The following PCDHA3 variants were observed in gnomAD, a reference collection of about 807,000 sequenced individuals.
The protein encoded by PCDHA3 is protocadherin alpha-3.
A neutral mutation model predicts 62.2 loss-of-function variants in PCDHA3; 41 were observed. That is an observed-to-expected ratio of 0.66 (90% confidence interval 0.51 to 0.86). The LOEUF (loss-of-function observed/expected upper bound fraction) is 0.86. PCDHA3 is among the 40% of genes least tolerant of loss of function. PCDHA3 has a pLI of 0.00. For synonymous variants in PCDHA3, 640 were observed against 555.4 expected, an observed-to-expected ratio of 1.15 and a Z score of -2.14; for missense variants, 1,304 against 1,241.2, an observed-to-expected ratio of 1.05 and a Z score of -0.76.
intron 1 of PCDHA3, chr5:140,809,467 TG>T (rs1480509139): frequency 1.2e-6 from 2 of 1,614,124 alleles, no homozygotes; most frequent in East Asian, 4.5e-5. Context: ...GGGTGTGCTC[TG>T]GTGAGGGCCC....
In PCDHA3 at chr5:140,803,145, C is replaced by A; in HGVS notation, c.1948C>A (p.Leu650Met). 1 of 1,613,886 alleles carries A rather than the reference C, an allele frequency of 6.2e-7. No homozygotes were observed. Among genetic ancestry groups the A allele is most frequent in the African/African-American group, 1.3e-5 (1 of 75,066 alleles). The change falls in exon 1 of 4, where the codon CTG (leucine) becomes ATG (methionine). Residue 650 changes from leucine to methionine, a missense_variant. By Grantham distance (15) the Leu-to-Met change is conservative. Transcript: ENST00000522353. ...VDAPRHRLLVLVKDHGEPSLT... is the reference protein window; with the variant it reads ...VDAPRHRLLVMVKDHGEPSLT... The stretch of plus-strand genomic sequence containing the variant: ...CGCCCCGCGCCATCGCCTACTGGTG[C>A]TGGTGAAGGACCACGGTGAACCCTC...
intron 1 of PCDHA3, among the ~76,000 whole-genome samples, chr5:140,906,364 C>T (rs2072599872): frequency 6.6e-6 from 1 of 152,184 alleles, no homozygotes; most frequent in African/African-American, 2.4e-5. Context: ...ATTCCCAACC[C>T]AAATGCTATT....
chr5:141,002,023 G>GC (rs1479327416), intron 3 of PCDHA3, among the ~76,000 whole-genome samples: 4 of 152,186 alleles, frequency 2.6e-5, no homozygotes, highest in Admixed American at 6.5e-5. Flanking sequence ...ACAGCCTTCG[G>GC]TGCCCTGACT....
chr5:140,915,918 T>A (rs1295505621), intron 1 of PCDHA3, among the ~76,000 whole-genome samples: 1 of 152,188 alleles, frequency 6.6e-6, no homozygotes, highest in Admixed American at 6.5e-5. Flanking sequence ...CCAGAGATGC[T>A]ACTTGGGAGT....
At chr5:140,940,285 T>C (rs2092587239) in intron 1 of PCDHA3, among the ~76,000 whole-genome samples, 3 of 152,222 alleles carry the variant, frequency 2.0e-5, no homozygotes, top group Admixed American at 6.5e-5. Context: ...CTCATTGTGC[T>C]GCTTCATCAG....
Position 140,849,788 on chromosome 5 carries a change from C to T in PCDHA3, c.2394+46197C>T, listed in dbSNP as rs2150450289. The T allele has an allele frequency of 2.5e-6, 4 of 1,598,468 alleles. No homozygotes were observed. The South Asian group carries it at 4.4e-5, about 18-fold the overall frequency. ...TGGTGGTTACCGCGCGGGACGGGGGCTCGCCTTCACTGTGGGCCACGGCCA... is the reference window on the plus strand; with the variant it reads ...TGGTGGTTACCGCGCGGGACGGGGGTTCGCCTTCACTGTGGGCCACGGCCA... On this transcript the variant is annotated intron_variant, in intron 1 of 3. Coordinates refer to ENST00000522353, the MANE Select transcript of PCDHA3 (RefSeq NM_018906.3).
intron 1 of PCDHA3, chr5:140,823,342 G>A (rs143184133): frequency 6.2e-7 from 1 of 1,612,384 alleles, no homozygotes; most frequent in Non-Finnish European, 8.5e-7. Context: ...GCAGCCGCTG[G>A]ACCACGAGGA....
intron 1 of PCDHA3, among the ~76,000 whole-genome samples, chr5:140,964,646 G>A (rs1554227128): frequency 6.6e-6 from 1 of 152,004 alleles, no homozygotes; most frequent in African/African-American, 2.4e-5. Context: ...TCAGAAACAA[G>A]TAATGGGTGA....
intron 3 of PCDHA3, among the ~76,000 whole-genome samples, chr5:141,005,325 A>G (rs1430982331): frequency 6.6e-6 from 1 of 152,226 alleles, no homozygotes; most frequent in Non-Finnish European, 1.5e-5. Context: ...GTAGAGAATA[A>G]TAGGCCAAGG....
At chr5:141,004,434 G>T (rs1383958111) in intron 3 of PCDHA3, among the ~76,000 whole-genome samples, 2 of 152,186 alleles carry the variant, frequency 1.3e-5, no homozygotes, top group Non-Finnish European at 2.9e-5. Flanking sequence ...TGGAGTTTAG[G>T]CTGAGTCATA....
intron 1 of PCDHA3, among the ~76,000 whole-genome samples, chr5:140,820,941 T>G (rs1298490010): frequency 2.6e-5 from 4 of 152,104 alleles, no homozygotes; most frequent in South Asian, 2.1e-4. Flanking sequence ...AGCTGAAATA[T>G]CCCCATTACA....
chr5:140,899,513 C>T (rs4552682), intron 1 of PCDHA3, among the ~76,000 whole-genome samples: 7,065 of 152,042 alleles, frequency 0.046, 286 homozygotes, highest in African/African-American at 0.11. Flanking sequence ...GCATATATTG[C>T]ATCCCAGGGA....
chr5:140,929,540 G>A, intron 1 of PCDHA3: 1 of 549,498 alleles, frequency 1.8e-6, no homozygotes, highest in Admixed American at 4.2e-5. Context: ...GAGAAACAAG[G>A]GCAAAAATTA....
chr5:140,863,242 G>A (rs2047891518), intron 1 of PCDHA3: 3 of 1,345,158 alleles, frequency 2.2e-6, no homozygotes, highest in African/African-American at 2.9e-5. Context: ...GCGGGCTTTG[G>A]CGGGCGTCGA....
intron 1 of PCDHA3, among the ~76,000 whole-genome samples, chr5:140,888,353 A>G (rs907810387): frequency 1.9e-4 from 29 of 152,220 alleles, no homozygotes; most frequent in African/African-American, 6.8e-4. Context: ...GGGAATTGCT[A>G]CTGGCATCTA....
At chr5:140,850,799 C>G (rs576094644) in intron 1 of PCDHA3, 1 of 1,598,148 alleles carries the variant, frequency 6.3e-7, no homozygotes, top group Non-Finnish European at 8.6e-7. Context: ...AGAAGACCGA[C>G]CTCATGGCCT....
At chr5:140,823,380 C>A (rs2150125210) in intron 1 of PCDHA3, 14 of 1,612,688 alleles carry the variant, frequency 8.7e-6, no homozygotes, top group South Asian at 5.5e-5. Context: ...TCCAGGTGAG[C>A]GCGCGCGACG....
intron 1 of PCDHA3, among the ~76,000 whole-genome samples, chr5:140,918,416 C>A (rs2078685021): frequency 6.6e-6 from 1 of 152,110 alleles, no homozygotes; most frequent in Non-Finnish European, 1.5e-5. Flanking sequence ...GCCAGGACTT[C>A]CAGTAGGATG....
chr5:140,877,704 C>G, intron 1 of PCDHA3: 2 of 1,613,952 alleles, frequency 1.2e-6, no homozygotes, highest in South Asian at 1.1e-5. Context: ...GCTCCAGCGC[C>G]GTGGGGAGTT....
Sources: gnomAD v4.1 joint callset for allele counts (sites outside exome capture counted in the v4.1 genomes callset) on GRCh38, gnomAD v4.1.1 for gene constraint, MANE v1.5 for transcripts, NCBI Gene and HGNC (gene_info 2026-07-23, HGNC 2026-07-21) for gene names.